NEK1: variants seen among roughly 807,000 people sequenced by gnomAD.
NEK1 encodes the protein serine/threonine-protein kinase Nek1.
Under a neutral mutation model 182.1 loss-of-function variants are expected in NEK1, and 137 were observed. The observed-to-expected ratio is 0.75, with a 90% CI of 0.65 to 0.87. The LOEUF is 0.87. Among genes scored for constraint, NEK1 ranks in the 40% least tolerant of loss-of-function variants. The pLI is 0.00. For synonymous variants in NEK1, 513 were observed against 492.2 expected (o/e 1.04, Z -0.56); for missense variants, 1,391 against 1,494.4 (o/e 0.93, Z 1.14).
At chr4:169,511,525 A>G (rs1204463271) in intron 19 of NEK1, among the ~76,000 whole-genome samples, 1 of 152,142 alleles carries the variant, frequency 6.6e-6, no homozygotes, top group Non-Finnish European at 1.5e-5. Flanking sequence ...TTATAGATAT[A>G]CAGAAAGGTG....
At chr4:169,592,240 T>A (rs1446656135) in intron 5 of NEK1, among the ~76,000 whole-genome samples, 6 of 152,142 alleles carry the variant, frequency 3.9e-5, no homozygotes, top group Non-Finnish European at 7.4e-5. Context: ...ATCCTACAAA[T>A]AATATCAGAA....
chr4:169,407,447 G>C (rs1431125046), intron 31 of NEK1, among the ~76,000 whole-genome samples: 1 of 152,166 alleles, frequency 6.6e-6, no homozygotes, highest in African/African-American at 2.4e-5. Flanking sequence ...TTTCTCACTA[G>C]AACAGAAGGC....
intron 31 of NEK1, among the ~76,000 whole-genome samples, chr4:169,407,664 CAACT>C (rs566493419): frequency 4.7e-4 from 71 of 152,282 alleles, no homozygotes; most frequent in African/African-American, 1.7e-3. Context: ...GGCTATGAAA[CAACT>C]AACTACATAC....
intron 18 of NEK1, among the ~76,000 whole-genome samples, chr4:169,552,261 T>C (rs1443642133): frequency 6.6e-6 from 1 of 151,252 alleles, no homozygotes; most frequent in East Asian, 1.9e-4. Context: ...TATAGCAAAA[T>C]ATAATAAAAT....
intron 2 of NEK1, among the ~76,000 whole-genome samples, chr4:169,603,504 ATAG>A (rs1770826411): frequency 6.6e-6 from 1 of 152,232 alleles, no homozygotes; most frequent in African/African-American, 2.4e-5. Flanking sequence ...GTGAATAACC[ATAG>A]TACATATTTA....
At position 169,585,285 on chromosome 4, in the gene NEK1, G is replaced by A. The variant is rs140161092; in HGVS notation, c.807+64C>T. 467 of 1,195,220 alleles carry A rather than the reference G, an allele frequency of 3.9e-4. 1 individual carries two copies. The African/African-American group carries it at 6.5e-3, about 17-fold the overall frequency. The allele number at this position is 1,195,220 out of a possible 1,614,324, so 74.0% of individuals were successfully genotyped here. ...ATCCAGATGTGTTCTCCTCAACACTGGAGGCCATGTCTTAGCTAAGCAACA... is the reference window on the plus strand; with the variant it reads ...ATCCAGATGTGTTCTCCTCAACACTAGAGGCCATGTCTTAGCTAAGCAACA... On this transcript the variant is annotated intron_variant, in intron 10 of 35. Coordinates refer to ENST00000507142, the MANE Select transcript of NEK1 (RefSeq NM_001199397.3).
At chr4:169,544,839 C>T (rs1760110897) in intron 18 of NEK1, among the ~76,000 whole-genome samples, 1 of 151,308 alleles carries the variant, frequency 6.6e-6, no homozygotes, top group Non-Finnish European at 1.5e-5. Flanking sequence ...CCCCCTTTAT[C>T]ATTTTTTATT....
chr4:169,518,080 G>A (rs1478252485), intron 19 of NEK1, among the ~76,000 whole-genome samples: 2 of 26,100 alleles, frequency 7.7e-5, no homozygotes, highest in Non-Finnish European at 1.2e-4. Context: ...AGAAGGAATG[G>A]TACCAGTTCC....
chr4:169,564,582 A>G (rs941558384), intron 12 of NEK1, among the ~76,000 whole-genome samples: 3 of 152,130 alleles, frequency 2.0e-5, no homozygotes, highest in African/African-American at 7.2e-5. Flanking sequence ...TTTGAAATAA[A>G]TGTGTCACCA....
At chr4:169,606,069 G>A (rs562391445) in intron 2 of NEK1, among the ~76,000 whole-genome samples, 1 of 151,576 alleles carries the variant, frequency 6.6e-6, no homozygotes, top group South Asian at 2.1e-4. Flanking sequence ...TATGACTCAA[G>A]GAGAAGAAAA....
intron 18 of NEK1, among the ~76,000 whole-genome samples, chr4:169,542,212 T>G (rs1039779302): frequency 2.0e-5 from 3 of 152,212 alleles, no homozygotes; most frequent in Non-Finnish European, 4.4e-5. Flanking sequence ...CCTTCGTGTG[T>G]CCATGTGTTC....
At chr4:169,540,176 T>C (rs903304266) in intron 18 of NEK1, among the ~76,000 whole-genome samples, 36 of 152,140 alleles carry the variant, frequency 2.4e-4, no homozygotes, top group African/African-American at 8.4e-4. Flanking sequence ...TTAACACTAA[T>C]TCTTTTTTCC....
chr4:169,420,799 A>G (rs544918311), intron 31 of NEK1, among the ~76,000 whole-genome samples: 1 of 152,300 alleles, frequency 6.6e-6, no homozygotes, highest in South Asian at 2.1e-4. Flanking sequence ...TAAAAGTAAA[A>G]AGGGAACAAA....
intron 27 of NEK1, among the ~76,000 whole-genome samples, chr4:169,453,085 C>G (rs760205788): frequency 6.6e-6 from 1 of 152,066 alleles, no homozygotes; most frequent in Admixed American, 6.5e-5. Context: ...GAATAAAATA[C>G]CTAGGAATTC....
chr4:169,450,630 G>A (rs1293227240), intron 27 of NEK1, among the ~76,000 whole-genome samples: 1 of 151,184 alleles, frequency 6.6e-6, no homozygotes. Context: ...AGAAAATGCT[G>A]AGGGATTACA....
At chr4:169,584,811 C>T (rs549991122) in intron 10 of NEK1, among the ~76,000 whole-genome samples, 4 of 152,132 alleles carry the variant, frequency 2.6e-5, no homozygotes, top group African/African-American at 9.6e-5. Flanking sequence ...CACAGAAATG[C>T]TCAATGATTT....
At chr4:169,523,560 G>A (rs1756431425) in intron 19 of NEK1, among the ~76,000 whole-genome samples, 1 of 152,148 alleles carries the variant, frequency 6.6e-6, no homozygotes, top group Middle Eastern at 3.2e-3. Context: ...GCCCCCAGAA[G>A]GACACAACCC....
intron 26 of NEK1, among the ~76,000 whole-genome samples, chr4:169,470,466 T>C (rs749484565): frequency 3.3e-5 from 5 of 152,230 alleles, no homozygotes; most frequent in Non-Finnish European, 7.3e-5. Flanking sequence ...TTCTGGCTTG[T>C]AGGGTTTTTG....
At chr4:169,538,677 T>C (rs995865788) in intron 18 of NEK1, among the ~76,000 whole-genome samples, 23 of 152,142 alleles carry the variant, frequency 1.5e-4, no homozygotes, top group Non-Finnish European at 2.8e-4. Flanking sequence ...GCATCAATTG[T>C]AGTTAATTTT....
Sources: gnomAD v4.1 joint callset for allele counts (sites outside exome capture counted in the v4.1 genomes callset) on GRCh38, gnomAD v4.1.1 for gene constraint, MANE v1.5 for transcripts, NCBI Gene and HGNC (gene_info 2026-07-23, HGNC 2026-07-21) for gene names.